The following ZNF407 variants were observed in gnomAD, a reference collection of about 807,000 sequenced individuals.
The protein encoded by ZNF407 is zinc finger protein 407.
ZNF407 carries 17 observed loss-of-function variants against 131.2 expected under a neutral mutation model. The observed-to-expected ratio is 0.13, with a 90% CI of 0.09 to 0.19. The LOEUF (loss-of-function observed/expected upper bound fraction) is 0.19. ZNF407 is among the 10% of genes least tolerant of loss of function. ZNF407 has a pLI of 1.00. For missense variants in ZNF407, 2,681 were observed against 2,830.6 expected (o/e 0.95, Z 1.20); for synonymous variants, 1,156 against 1,062.0 (o/e 1.09, Z -1.72).
At chr18:74,945,821 G>A (rs896360724) in intron 8 of ZNF407, among the ~76,000 whole-genome samples, 2 of 151,980 alleles carry the variant, frequency 1.3e-5, no homozygotes, top group East Asian at 1.9e-4. Flanking sequence ...CTTTCTTAAG[G>A]AACGTTTCAA....
At chr18:74,805,278 C>A (rs1473308425) in intron 4 of ZNF407, among the ~76,000 whole-genome samples, 2 of 152,160 alleles carry the variant, frequency 1.3e-5, no homozygotes, top group African/African-American at 2.4e-5. Context: ...TCTTTGATTG[C>A]ATTTTTAAGA....
At chr18:74,844,146 G>A (rs761000689) in intron 4 of ZNF407, among the ~76,000 whole-genome samples, 42 of 152,186 alleles carry the variant, frequency 2.8e-4, no homozygotes, top group Non-Finnish European at 5.3e-4. Flanking sequence ...TCCTCTACAT[G>A]CTTGCTGACA....
At chr18:74,963,182 A>G (rs12455184) in intron 8 of ZNF407, among the ~76,000 whole-genome samples, 33,742 of 149,528 alleles carry the variant, frequency 0.23, 5,063 homozygotes, top group African/African-American at 0.41. Context: ...CCTGAATGGA[A>G]CATTCCCAAG....
At chr18:74,957,277 G>A (rs140771700) in intron 8 of ZNF407, among the ~76,000 whole-genome samples, 13 of 152,188 alleles carry the variant, frequency 8.5e-5, no homozygotes, top group Admixed American at 3.3e-4. Flanking sequence ...GGGGGCAACC[G>A]GCACAGTCAG....
At position 75,025,753 on chromosome 18, in the gene ZNF407, G is replaced by A. The variant is rs1973163646; in HGVS notation, c.5429-37397G>A. 2.0e-5 allele frequency among the ~76,000 whole-genome samples: 3 copies of A among 152,202 alleles called. No homozygotes were observed. In the East Asian group the frequency reaches 5.8e-4, roughly 29 times the overall value. On this transcript the variant is annotated intron_variant, in intron 8 of 8. Coordinates refer to ENST00000299687, the MANE Select transcript of ZNF407 (RefSeq NM_017757.3). The stretch of plus-strand genomic sequence containing the variant: ...TGGCACTTACTCAGAATAGTATGAT[G>A]ATACAGATGCCTTGATGTTTCTTCA...
intron 8 of ZNF407, among the ~76,000 whole-genome samples, chr18:74,984,641 A>G (rs1227931153): frequency 6.6e-6 from 1 of 152,194 alleles, no homozygotes; most frequent in Admixed American, 6.5e-5. Context: ...AGTGCCCAAA[A>G]CCTAAAAACT....
At chr18:74,868,157 C>T (rs1971039102) in intron 4 of ZNF407, among the ~76,000 whole-genome samples, 2 of 152,196 alleles carry the variant, frequency 1.3e-5, no homozygotes, top group Admixed American at 1.3e-4. Context: ...GTTCTCAGCT[C>T]TCTGAAATGA....
rs185944989 is a variant in ZNF407, at chr18:74,612,638, A to C, written c.-54+14701A>C. ...AATTATTAATACTTACTGAGCACCTACTGTGTGCCAGGCACTGATATGAAC... is the reference window on the plus strand; with the variant it reads ...AATTATTAATACTTACTGAGCACCTCCTGTGTGCCAGGCACTGATATGAAC... On this transcript the variant is annotated intron_variant, in intron 1 of 8. Transcript: ENST00000299687. 3.3e-5 allele frequency among the ~76,000 whole-genome samples: 5 copies of C among 152,324 alleles called. No homozygotes were observed. In the East Asian group the frequency reaches 9.7e-4, roughly 29 times the overall value.
chr18:74,650,572 G>C (rs1374472207), intron 3 of ZNF407, among the ~76,000 whole-genome samples: 1 of 152,102 alleles, frequency 6.6e-6, no homozygotes, highest in African/African-American at 2.4e-5. Flanking sequence ...TGGTTGACAG[G>C]GGTCTGCACT....
At chr18:74,812,481 A>G (rs964731712) in intron 4 of ZNF407, among the ~76,000 whole-genome samples, 2 of 152,094 alleles carry the variant, frequency 1.3e-5, no homozygotes, top group African/African-American at 4.8e-5. Flanking sequence ...TGAAGGTAAC[A>G]TCTCTTTTTT....
At chr18:75,025,885 A>G (rs905927769) in intron 8 of ZNF407, among the ~76,000 whole-genome samples, 1 of 152,228 alleles carries the variant, frequency 6.6e-6, no homozygotes, top group Non-Finnish European at 1.5e-5. Flanking sequence ...TGTTCTTCAA[A>G]TACTTCTTTT....
chr18:74,772,671 T>C (rs1969385963), intron 3 of ZNF407, among the ~76,000 whole-genome samples: 1 of 152,192 alleles, frequency 6.6e-6, no homozygotes, highest in African/African-American at 2.4e-5. Context: ...TGAATGACTG[T>C]TGAAGACTAT....
intron 8 of ZNF407, among the ~76,000 whole-genome samples, chr18:74,977,050 T>G (rs1324739497): frequency 6.6e-6 from 1 of 152,258 alleles, no homozygotes; most frequent in Non-Finnish European, 1.5e-5. Flanking sequence ...GCATAGACTT[T>G]TAACCATTTA....
intron 8 of ZNF407, among the ~76,000 whole-genome samples, chr18:74,942,594 G>T (rs919383091): frequency 6.6e-6 from 1 of 152,172 alleles, no homozygotes; most frequent in African/African-American, 2.4e-5. Context: ...TTTCAGAAAC[G>T]TGCTTTTTAT....
At chr18:75,006,804 T>C (rs927707037) in intron 8 of ZNF407, among the ~76,000 whole-genome samples, 2 of 152,204 alleles carry the variant, frequency 1.3e-5, no homozygotes, top group South Asian at 2.1e-4. Flanking sequence ...TGTTGAAGTT[T>C]TTTACTACAA....
intron 3 of ZNF407, among the ~76,000 whole-genome samples, chr18:74,686,561 A>G (rs1267198474): frequency 6.6e-6 from 1 of 152,156 alleles, no homozygotes; most frequent in African/African-American, 2.4e-5. Context: ...TGTAAAACCT[A>G]TATCTGATTC....
At chr18:75,041,129 G>A (rs1011444333) in intron 8 of ZNF407, among the ~76,000 whole-genome samples, 7 of 152,214 alleles carry the variant, frequency 4.6e-5, no homozygotes, top group Non-Finnish European at 5.9e-5. Context: ...TGCAATGGAC[G>A]TAGAAACTGA....
At chr18:74,946,155 G>A (rs1972151790) in intron 8 of ZNF407, among the ~76,000 whole-genome samples, 1 of 152,144 alleles carries the variant, frequency 6.6e-6, no homozygotes, top group Admixed American at 6.5e-5. Context: ...AATTACATAT[G>A]CAAGAAAAAC....
At chr18:74,887,680 T>C (rs1187623625) in intron 6 of ZNF407, among the ~76,000 whole-genome samples, 1 of 152,186 alleles carries the variant, frequency 6.6e-6, no homozygotes, top group East Asian at 1.9e-4. Context: ...AGTTCTGTCA[T>C]CATAATGATA....
Sources: gnomAD v4.1 joint callset for allele counts (sites outside exome capture counted in the v4.1 genomes callset) on GRCh38, gnomAD v4.1.1 for gene constraint, MANE v1.5 for transcripts, NCBI Gene and HGNC (gene_info 2026-07-23, HGNC 2026-07-21) for gene names.